The following GABRB3 variants were observed in gnomAD, a reference collection of about 807,000 sequenced individuals.
GABRB3 encodes gamma-aminobutyric acid type A receptor subunit beta3.
In GABRB3, 14 loss-of-function variants were observed where a neutral mutation model predicts 52.1. That is an observed-to-expected ratio of 0.27 (90% CI 0.18 to 0.42). The LOEUF is 0.42. Among genes scored for constraint, GABRB3 ranks in the 10% least tolerant of loss-of-function variants. The pLI is 1.00. For synonymous variants in GABRB3, 260 were observed against 232.3 expected, an observed-to-expected ratio of 1.12 and a Z score of -1.08; for missense variants, 307 against 609.1, an observed-to-expected ratio of 0.50 and a Z score of 5.22.
intron 3 of GABRB3, chr15:26,629,226 A>C (rs1488885651): frequency 7.1e-7 from 1 of 1,410,682 alleles, no homozygotes; most frequent in Non-Finnish European, 9.3e-7. Context: ...CGGGGCCTGG[A>C]AAGGAGGGCA....
intron 8 of GABRB3, among the ~76,000 whole-genome samples, chr15:26,554,198 T>C (rs1245662625): frequency 2.3e-5 from 2 of 86,144 alleles, no homozygotes; most frequent in African/African-American, 7.9e-5. Flanking sequence ...ATACTATATA[T>C]ATATATATAT....
At chr15:26,742,684 T>C (rs1245185085) in intron 3 of GABRB3, among the ~76,000 whole-genome samples, 7 of 152,202 alleles carry the variant, frequency 4.6e-5, no homozygotes, top group Admixed American at 1.3e-4. Flanking sequence ...ATCATCTTGC[T>C]GTGACTGACC....
intron 3 of GABRB3, among the ~76,000 whole-genome samples, chr15:26,665,815 A>C (rs920580975): frequency 1.3e-5 from 2 of 152,218 alleles, no homozygotes; most frequent in Non-Finnish European, 2.9e-5. Flanking sequence ...CTAATGAGCT[A>C]CTTCATATGA....
intron 3 of GABRB3, among the ~76,000 whole-genome samples, chr15:26,630,870 T>C (rs960176882): frequency 1.3e-5 from 2 of 152,220 alleles, no homozygotes; most frequent in African/African-American, 4.8e-5. Flanking sequence ...TGGGTGGAGT[T>C]CCACAAATTT....
At chr15:26,601,194 C>A (rs1488170117) in intron 4 of GABRB3, among the ~76,000 whole-genome samples, 1 of 152,042 alleles carries the variant, frequency 6.6e-6, no homozygotes, top group Admixed American at 6.6e-5. Context: ...GAGGCCGAGG[C>A]GGGCAGATCA....
intron 4 of GABRB3, among the ~76,000 whole-genome samples, chr15:26,597,704 T>G (rs555305095): frequency 3.3e-5 from 5 of 152,178 alleles, no homozygotes; most frequent in African/African-American, 1.2e-4. Flanking sequence ...CCACCACCAA[T>G]ACCTAACTTC....
intron 3 of GABRB3, among the ~76,000 whole-genome samples, chr15:26,713,855 G>A (rs1889383109): frequency 6.6e-6 from 1 of 152,170 alleles, no homozygotes; most frequent in Admixed American, 6.5e-5. Context: ...CACCCTCAGG[G>A]GAAGAGACCC....
At chr15:26,563,577 G>A (rs1225456140) in intron 7 of GABRB3, among the ~76,000 whole-genome samples, 2 of 152,178 alleles carry the variant, frequency 1.3e-5, no homozygotes, top group East Asian at 1.9e-4. Flanking sequence ...TCGAGCTGTT[G>A]GAAATCTAAT....
intron 2 of GABRB3, 93 bp from the exon 3 acceptor site, chr15:26,772,562 G>A (rs934354090): frequency 6.2e-6 from 9 of 1,460,394 alleles, no homozygotes; most frequent in African/African-American, 4.3e-5. Flanking sequence ...AGGGGCGCGG[G>A]CGAAGGGCCC....
chr15:26,750,885 T>C (rs140912924), intron 3 of GABRB3, among the ~76,000 whole-genome samples: 9 of 152,210 alleles, frequency 5.9e-5, no homozygotes, highest in African/African-American at 1.9e-4. Context: ...TCAGTTTCTA[T>C]CATGAATTAC....
In GABRB3 at chr15:26,755,030, A is replaced by T. The variant is rs542622438; in HGVS notation, c.240+17372T>A. On this transcript the variant is annotated intron_variant, in intron 3 of 8. Coordinates refer to ENST00000311550, the MANE Select transcript of GABRB3 (RefSeq NM_000814.6). Reference sequence around the variant, plus strand: ...CTTTTTTTTTTTTTTTTTGAGACGGAGTCTCGCTCTGTCACCAGGCTGGAG... The same window carrying T: ...CTTTTTTTTTTTTTTTTTGAGACGGTGTCTCGCTCTGTCACCAGGCTGGAG... Among the ~76,000 whole-genome samples, 6 of 133,834 alleles carry T rather than the reference A, an allele frequency of 4.5e-5. No individual in the cohort carries two copies. In the South Asian group the frequency reaches 9.6e-4, roughly 21 times the overall value. The allele number at this position is 133,834 out of a possible 152,430, so 87.8% of individuals were successfully genotyped here.
intron 3 of GABRB3, among the ~76,000 whole-genome samples, chr15:26,724,707 G>A (rs1889726464): frequency 1.3e-5 from 2 of 152,164 alleles, no homozygotes; most frequent in South Asian, 4.1e-4. Context: ...CCCATGGAGA[G>A]GCATGAGACT....
intron 3 of GABRB3, among the ~76,000 whole-genome samples, chr15:26,679,022 T>A (rs1263093537): frequency 6.6e-6 from 1 of 151,894 alleles, no homozygotes; most frequent in Non-Finnish European, 1.5e-5. Context: ...TCTAGGCAGG[T>A]CTCTATGGAA....
chr15:26,565,751 C>A (rs566602777), intron 7 of GABRB3, among the ~76,000 whole-genome samples: 1 of 152,222 alleles, frequency 6.6e-6, no homozygotes, highest in African/African-American at 2.4e-5. Flanking sequence ...ACACCCCACC[C>A]CTTGTGATGT....
intron 3 of GABRB3, among the ~76,000 whole-genome samples, chr15:26,696,333 C>T (rs1888737494): frequency 6.6e-6 from 1 of 151,984 alleles, no homozygotes; most frequent in Admixed American, 6.6e-5. Flanking sequence ...CATCTAAACC[C>T]CGCACACCTT....
intron 3 of GABRB3, among the ~76,000 whole-genome samples, chr15:26,747,927 G>T (rs1890390912): frequency 8.0e-6 from 1 of 124,526 alleles, no homozygotes; most frequent in African/African-American, 3.1e-5. Flanking sequence ...TTTTTATCAT[G>T]AATGGGTATT....
In GABRB3 at chr15:26,544,312, C is replaced by G. The variant is rs371097735; in HGVS notation, c.*3481G>C. On this transcript the variant is annotated 3_prime_UTR_variant, in exon 9 of 9. Coordinates refer to ENST00000311550, the MANE Select transcript of GABRB3 (RefSeq NM_000814.6). The stretch of plus-strand genomic sequence containing the variant: ...CACCTACAACTGCAATGTGCCTGTC[C>G]CCTTAAAACCAGCCCCAGACTCGTT... 8.5e-5 allele frequency: 13 copies of G among 152,626 alleles called. No homozygotes were observed. The South Asian group carries it at 2.7e-3, about 32-fold the overall frequency. 9.5% of individuals were successfully genotyped at this position (152,626 alleles called of 1,614,324 possible).
At chr15:26,696,739 C>G (rs1888751624) in intron 3 of GABRB3, among the ~76,000 whole-genome samples, 1 of 152,192 alleles carries the variant, frequency 6.6e-6, no homozygotes, top group Non-Finnish European at 1.5e-5. Flanking sequence ...CACACTTAGG[C>G]TGGAACCTGC....
intron 3 of GABRB3, among the ~76,000 whole-genome samples, chr15:26,679,645 C>A (rs1036778829): frequency 5.3e-5 from 8 of 152,132 alleles, no homozygotes; most frequent in Admixed American, 2.0e-4. Flanking sequence ...TCTAGGACCA[C>A]CCAGAGCCAG....
Sources: gnomAD v4.1 joint callset for allele counts (sites outside exome capture counted in the v4.1 genomes callset) on GRCh38, gnomAD v4.1.1 for gene constraint, MANE v1.5 for transcripts, NCBI Gene and HGNC (gene_info 2026-07-23, HGNC 2026-07-21) for gene names.